PCYOX1L: variants seen among roughly 807,000 people sequenced by gnomAD.
PCYOX1L encodes the protein prenylcysteine oxidase 1-like.
A neutral mutation model predicts 44.1 loss-of-function variants in PCYOX1L; 40 were observed. The observed-to-expected ratio is 0.91, with a 90% CI of 0.70 to 1.18. PCYOX1L has a LOEUF of 1.18. Among genes scored for constraint, PCYOX1L ranks in the 50% most tolerant of loss-of-function variants. PCYOX1L has a pLI of 0.00. For synonymous variants in PCYOX1L, 266 were observed against 282.8 expected (o/e 0.94, Z 0.60); for missense variants, 605 against 653.3 (o/e 0.93, Z 0.81).
intron 2 of PCYOX1L, chr5:149,363,433 G>T: frequency 4.2e-6 from 1 of 236,384 alleles, no homozygotes; most frequent in Non-Finnish European, 8.5e-6. Context: ...GCAAAAGGCT[G>T]AAAGTATCCT....
chr5:149,365,962 A>G lies in PCYOX1L; in HGVS notation c.491A>G (p.His164Arg), dbSNP rs1470197826. Residue 164 changes from histidine (H) to arginine (R), a missense_variant, in exon 4 of 6, where the codon CAC (histidine) becomes CGC (arginine). His to Arg is a conservative substitution (Grantham distance 29, BLOSUM62 0). Transcript: ENST00000274569. ...KFMRIYKYQA[H>R]GYAFSGVEEL... is the part of the protein sequence containing the mutation. The stretch of plus-strand genomic sequence containing the variant: ...TCTAGGATCTATAAGTACCAGGCCC[A>G]CGGCTATGCCTTCTCGGGTGTGGAG... 1 of 1,614,200 alleles carries G rather than the reference A, an allele frequency of 6.2e-7. No homozygotes were observed.
At position 149,366,068 on chromosome 5, in the gene PCYOX1L, C is replaced by T. The variant is rs771854910; in HGVS notation, c.597C>T (p.Gly199=). 5.6e-5 allele frequency: 91 copies of T among 1,614,064 alleles called. No individual in the cohort carries two copies. Among genetic ancestry groups the T allele is most frequent in the Non-Finnish European group, 6.9e-5 (81 of 1,180,040 alleles). Residue 199 remains glycine (G), a synonymous_variant, in exon 4 of 6, where the codon GGC becomes GGT. Transcript: ENST00000274569. ...HSVAESLLQV[G]VTQRFIDDVV... is the part of the protein sequence containing the mutation. ...TGGCTGAGTCCCTGCTGCAGGTGGG[C>T]GTCACGCAGCGCTTTATTGATGATG... is the stretch of plus-strand genomic sequence containing the variant.
chr5:149,365,983 T>C lies in PCYOX1L; in HGVS notation c.512T>C (p.Val171Ala), dbSNP rs756901472. Residue 171 changes from valine to alanine, a missense_variant, in exon 4 of 6, where the codon GTG (valine) becomes GCG (alanine). Physicochemically the swap from Val to Ala is moderately conservative, Grantham distance 64 (BLOSUM62 0). Transcript: ENST00000274569. ...GCCCACGGCTATGCCTTCTCGGGTG[T>C]GGAGGAGCTGCTCTACTCACTGGGG... ...YQAHGYAFSG[V>A]EELLYSLGES... 3.1e-6 allele frequency: 5 copies of C among 1,614,086 alleles called. No individual in the cohort carries two copies. In the African/African-American group the frequency reaches 5.3e-5, roughly 17 times the overall value.
At chr5:149,364,320 G>T in intron 3 of PCYOX1L, 110 bp downstream of exon 3, 1 of 1,358,618 alleles carries the variant, frequency 7.4e-7, no homozygotes, top group Non-Finnish European at 9.9e-7. Context: ...TTGCTGAATT[G>T]AGCCAGCACA....
rs2127615159 is a variant in PCYOX1L, at chr5:149,369,331, T to C, written c.*677T>C. On this transcript the variant is annotated 3_prime_UTR_variant, in exon 6 of 6. Coordinates refer to ENST00000274569, the MANE Select transcript of PCYOX1L (RefSeq NM_024028.4). ...CTGGCAACCAGTGGGAAAAGAAACA[T>C]GCGAGGCTGTAGGAAGAGGGAAGCT... 1 of 152,230 alleles carries C rather than the reference T, an allele frequency of 6.6e-6. No individual in the cohort carries two copies. The highest frequency in any genetic ancestry group is 6.5e-5 in the Admixed American group (1 of 15,296). The allele number at this position is 152,230 out of a possible 1,614,324, so 9.4% of individuals were successfully genotyped here.
chr5:149,358,107 G>T lies in PCYOX1L; in HGVS notation c.39G>T (p.Ala13=). Residue 13 remains alanine, a synonymous_variant, in exon 1 of 6, where the codon GCG becomes GCT. Transcript: ENST00000274569. The part of the protein sequence containing the change: ...RAAPLLAALT[A]LLAAAAAGGD... The stretch of plus-strand genomic sequence containing the variant: ...CCCCGCTGCTCGCCGCGTTGACCGC[G>T]CTCCTCGCCGCCGCCGCTGCTGGCG... 1 of 1,451,784 alleles carries T rather than the reference G, an allele frequency of 6.9e-7. No homozygotes were observed. 89.9% of individuals were successfully genotyped at this position (1,451,784 alleles called of 1,614,324 possible).
rs958604011 is a variant in PCYOX1L at position 149,369,455 on chromosome 5, A to G, written c.*801A>G. On this transcript the variant is annotated 3_prime_UTR_variant, in exon 6 of 6. Transcript: ENST00000274569. ...GAGAAGTCCCCAGATGGTAGAGAGC[A>G]GTCATATCTTACCCCTAGATGTTCA... 45 of 152,340 alleles carry G rather than the reference A, an allele frequency of 3.0e-4. No homozygotes were observed. The highest frequency in any genetic ancestry group is 1.1e-3 in the African/African-American group (44 of 41,574). The allele number at this position is 152,340 out of a possible 1,614,324, so 9.4% of individuals were successfully genotyped here.
Position 149,358,083 on chromosome 5 carries a change from C to A in PCYOX1L, c.15C>A (p.Ala5=). ...CGCCGCCCGCCATGGCCCGCGCAGCCCCGCTGCTCGCCGCGTTGACCGCGC... is the reference window on the plus strand; with the variant it reads ...CGCCGCCCGCCATGGCCCGCGCAGCACCGCTGCTCGCCGCGTTGACCGCGC... MARA[A]PLLAALTALL... The change falls in exon 1 of 6, where the codon GCC becomes GCA. Residue 5 remains alanine (A), a synonymous_variant. Coordinates refer to ENST00000274569, the MANE Select transcript of PCYOX1L (RefSeq NM_024028.4). 1 of 1,427,316 alleles carries A rather than the reference C, an allele frequency of 7.0e-7. No homozygotes were observed. Among genetic ancestry groups the A allele is most frequent in the Non-Finnish European group, 9.2e-7 (1 of 1,092,094 alleles). 88.4% of individuals were successfully genotyped at this position (1,427,316 alleles called of 1,614,324 possible).
intron 3 of PCYOX1L, chr5:149,364,501 A>G (rs887859382): frequency 6.8e-6 from 2 of 293,156 alleles, no homozygotes; most frequent in Non-Finnish European, 1.3e-5. Context: ...CTGAACTGGG[A>G]TGCGAGTCAG....
Position 149,368,395 on chromosome 5 carries a change from C to A in PCYOX1L, c.1226C>A (p.Thr409Asn), listed in dbSNP as rs757635470. 1.2e-6 allele frequency: 2 copies of A among 1,614,060 alleles called. No homozygotes were observed. Among genetic ancestry groups the A allele is most frequent in the Non-Finnish European group, 1.7e-6 (2 of 1,180,042 alleles). Residue 409 changes from threonine (T) to asparagine (N), a missense_variant, in exon 6 of 6, where the codon ACC becomes AAC. Thr to Asn is a moderately conservative substitution (Grantham distance 65). Coordinates refer to ENST00000274569, the MANE Select transcript of PCYOX1L (RefSeq NM_024028.4). ...PKPLFRTQLK[T>N]LFRSYYSVQT... Reference sequence around the variant, plus strand: ...CCCCTCTTTCGGACCCAGCTAAAGACCCTGTTCCGTTCCTATTACTCAGTG... The same window carrying A: ...CCCCTCTTTCGGACCCAGCTAAAGAACCTGTTCCGTTCCTATTACTCAGTG...
In PCYOX1L at chr5:149,364,028, C is replaced by A. The variant is rs1389827566; in HGVS notation, c.296-8C>A. 1.9e-6 allele frequency: 3 copies of A among 1,613,378 alleles called. No individual in the cohort carries two copies. Among genetic ancestry groups the A allele is most frequent in the Non-Finnish European group, 2.5e-6 (3 of 1,179,686 alleles). ...GGGGACCTGAGGGGCTCCTCTTTGT[C>A]TCTGCAGGGCTGAGGCACCGGCGCG... On this transcript the variant is annotated splice_polypyrimidine_tract_variant and splice_region_variant and intron_variant, in intron 2 of 5. Coordinates refer to ENST00000274569, the MANE Select transcript of PCYOX1L (RefSeq NM_024028.4).
Position 149,364,033 on chromosome 5 carries a change from C to T in PCYOX1L, c.296-3C>T, listed in dbSNP as rs773789365. 1.9e-5 allele frequency: 30 copies of T among 1,613,580 alleles called. 1 individual carries two copies. In the South Asian group the frequency reaches 3.1e-4, roughly 17 times the overall value. On this transcript the variant is annotated splice_polypyrimidine_tract_variant and splice_region_variant and intron_variant, in intron 2 of 5. Coordinates refer to ENST00000274569, the MANE Select transcript of PCYOX1L (RefSeq NM_024028.4). Reference sequence around the variant, plus strand: ...CCTGAGGGGCTCCTCTTTGTCTCTGCAGGGCTGAGGCACCGGCGCGAGGTG... The same window carrying T: ...CCTGAGGGGCTCCTCTTTGTCTCTGTAGGGCTGAGGCACCGGCGCGAGGTG...
Position 149,368,574 on chromosome 5 carries a change from C to G in PCYOX1L, c.1405C>G (p.Leu469Val). ...MAVAAKNVALLAYNRWYQDLD... is the reference protein window; with the variant it reads ...MAVAAKNVALVAYNRWYQDLD... ...CGTGGCTGCCAAGAATGTGGCCTTG[C>G]TGGCTTACAACCGCTGGTACCAGGA... The change falls in exon 6 of 6, where the codon CTG (leucine) becomes GTG (valine). Residue 469 changes from leucine (L) to valine (V), a missense_variant. Physicochemically the swap from Leu to Val is conservative, Grantham distance 32. Coordinates refer to ENST00000274569, the MANE Select transcript of PCYOX1L (RefSeq NM_024028.4). 6.3e-7 allele frequency: 1 copy of G among 1,586,534 alleles called. No individual in the cohort carries two copies. The highest frequency in any genetic ancestry group is 1.2e-5 in the South Asian group (1 of 85,426).
Position 149,364,085 on chromosome 5 carries a change from G to A in PCYOX1L, c.345G>A (p.Gly115=), listed in dbSNP as rs774459726. The change falls in exon 3 of 6, where the codon GGG becomes GGA. Residue 115 remains glycine (G), a synonymous_variant. Coordinates refer to ENST00000274569, the MANE Select transcript of PCYOX1L (RefSeq NM_024028.4). ...EVVGRSAIFG[G]EHFMLEETDW... is the part of the protein sequence containing the mutation. The stretch of plus-strand genomic sequence containing the variant: ...TGGGCAGGAGCGCCATCTTCGGCGG[G>A]GAGCACTTCATGCTGGAGGAGACTG... 1.9e-6 allele frequency: 3 copies of A among 1,614,128 alleles called. No homozygotes were observed. The highest frequency in any genetic ancestry group is 2.2e-5 in the South Asian group (2 of 91,086).
In PCYOX1L at chr5:149,358,055, G is replaced by C; in HGVS notation, c.-14G>C. 7.5e-7 allele frequency: 1 copy of C among 1,329,266 alleles called. No individual in the cohort carries two copies. The highest frequency in any genetic ancestry group is 9.6e-7 in the Non-Finnish European group (1 of 1,045,206). 82.3% of individuals were successfully genotyped at this position (1,329,266 alleles called of 1,614,324 possible). ...AGCGCCTGAATCCGGCGTGCTGCCC[G>C]CTCGCCGCCCGCCATGGCCCGCGCA... On this transcript the variant is annotated 5_prime_UTR_variant, in exon 1 of 6. Coordinates refer to ENST00000274569, the MANE Select transcript of PCYOX1L (RefSeq NM_024028.4).
intron 5 of PCYOX1L, 66 bp downstream of exon 5, chr5:149,367,566 C>T (rs1758257535): frequency 6.3e-7 from 1 of 1,588,466 alleles, no homozygotes; most frequent in Non-Finnish European, 8.5e-7. Context: ...ACTTCTGCCT[C>T]CTTTGTACCT....
At chr5:149,363,974 T>G (rs1485220087) in intron 2 of PCYOX1L, 62 bp from the exon 3 acceptor site, 12 of 1,578,736 alleles carry the variant, frequency 7.6e-6, no homozygotes, top group Non-Finnish European at 1.0e-5. Context: ...GACCAGTCCA[T>G]TTGCATCAAG....
chr5:149,362,387 G>C, intron 1 of PCYOX1L: 1 of 521,080 alleles, frequency 1.9e-6, no homozygotes, highest in South Asian at 2.4e-5. Context: ...TTCTTTGCTG[G>C]TCTTTTGCTG....
At position 149,362,744 on chromosome 5, in the gene PCYOX1L, C is replaced by T. The variant is rs780864026; in HGVS notation, c.196C>T (p.Arg66Cys). Reference sequence around the variant, plus strand: ...GTACGAGAAGGGAACCGTGGGTGGCCGCTTGGCCACCATCTCAGTCAACAA... The same window carrying T: ...GTACGAGAAGGGAACCGTGGGTGGCTGCTTGGCCACCATCTCAGTCAACAA... ...DVYEKGTVGGRLATISVNKQH... is the reference protein window; with the variant it reads ...DVYEKGTVGGCLATISVNKQH... Residue 66 changes from arginine to cysteine, a missense_variant, in exon 2 of 6, where the codon CGC becomes TGC. By Grantham distance (180) the Arg-to-Cys change is radical. Transcript: ENST00000274569. 3.7e-6 allele frequency: 6 copies of T among 1,614,132 alleles called. No homozygotes were observed. The highest frequency in any genetic ancestry group is 1.7e-4 in the Middle Eastern group (1 of 6,060).
Sources: allele counts gnomAD v4.1 joint callset, GRCh38; gene constraint gnomAD v4.1.1; transcripts MANE v1.5; gene names NCBI Gene and HGNC (gene_info 2026-07-23, HGNC 2026-07-21).